The following SPSB1 variants were observed in gnomAD, a reference collection of about 807,000 sequenced individuals.
The protein encoded by SPSB1 is SPRY domain-containing SOCS box protein 1.
In SPSB1, 8 loss-of-function variants were observed where a neutral mutation model predicts 21.2. The ratio of observed to expected loss-of-function variants is 0.38; its 90% CI spans 0.22 to 0.68. The LOEUF (loss-of-function observed/expected upper bound fraction) is 0.68. SPSB1 is among the 30% of genes least tolerant of loss of function. The pLI is 0.53. For missense variants in SPSB1, 242 were observed against 377.8 expected, an observed-to-expected ratio of 0.64 and a Z score of 2.98; for synonymous variants, 169 against 161.7, an observed-to-expected ratio of 1.05 and a Z score of -0.34.
chr1:9,305,009 A>G lies in SPSB1; in HGVS notation c.-150+11938A>G, dbSNP rs1419334764. 6.6e-6 allele frequency among the ~76,000 whole-genome samples: 1 copy of G among 151,982 alleles called. No individual in the cohort carries two copies. Among genetic ancestry groups the G allele is most frequent in the Non-Finnish European group, 1.5e-5 (1 of 67,980 alleles). ...CATCCTGGCTTAGAAAGCTCTGGCC[A>G]TTCCCTGGGCTTCACCTGCCTCCTG... On this transcript the variant is annotated intron_variant, in intron 1 of 2. Coordinates refer to ENST00000328089, the MANE Select transcript of SPSB1 (RefSeq NM_025106.4). This position sits in a 1 kb window ranked among gnomAD's most constrained non-coding sequence, Gnocchi z 4.8.
At chr1:9,361,350 T>A (rs1197552739) in intron 2 of SPSB1, among the ~76,000 whole-genome samples, 1 of 151,828 alleles carries the variant, frequency 6.6e-6, no homozygotes, top group Non-Finnish European at 1.5e-5. Context: ...TTGCTGTCTC[T>A]GTCTTGGAGG....
At chr1:9,299,023 C>T (rs893794218) in intron 1 of SPSB1, among the ~76,000 whole-genome samples, 1 of 152,228 alleles carries the variant, frequency 6.6e-6, no homozygotes, top group Non-Finnish European at 1.5e-5. Flanking sequence ...TGGTGACCCC[C>T]ACCACATCCC....
intron 1 of SPSB1, among the ~76,000 whole-genome samples, chr1:9,309,381 G>A (rs111476890): frequency 0.013 from 2,017 of 151,454 alleles, 44 homozygotes; most frequent in African/African-American, 0.046. Context: ...GCAGTGGTGC[G>A]GTCACAGCTC....
In SPSB1 at chr1:9,333,529, C is replaced by CCCAA. The variant is rs1393611200; in HGVS notation, c.-149-22213_-149-22212insCAAC. Among the ~76,000 whole-genome samples the CCCAA allele has an allele frequency of 4.6e-3, 694 of 152,174 alleles. 4 individuals carry two copies. Among genetic ancestry groups the CCCAA allele is most frequent in the African/African-American group, 0.016 (663 of 41,514 alleles). On this transcript the variant is annotated intron_variant, in intron 1 of 2. Transcript: ENST00000328089. ...TATTTTTAGTAGAGACGGGGTTTCG[C>CCCAA]CATGTTGGGCAGGCTGGTCTCGAAC...
intron 2 of SPSB1, among the ~76,000 whole-genome samples, chr1:9,366,366 C>G (rs907880593): frequency 3.9e-5 from 6 of 152,254 alleles, no homozygotes; most frequent in Non-Finnish European, 5.9e-5. Context: ...CGGGGTTTCT[C>G]TGTCTCCATG....
intron 1 of SPSB1, among the ~76,000 whole-genome samples, chr1:9,331,234 CTG>C (rs1350327496): frequency 6.7e-6 from 1 of 150,114 alleles, no homozygotes; most frequent in Non-Finnish European, 1.5e-5. Flanking sequence ...TTGTCAATGA[CTG>C]TGCACTCGAT....
intron 1 of SPSB1, among the ~76,000 whole-genome samples, chr1:9,309,334 G>C (rs1015696438): frequency 3.0e-5 from 4 of 134,052 alleles, no homozygotes; most frequent in African/African-American, 1.2e-4. Context: ...GTGTGTGTGT[G>C]AGTGACAGAT....
In SPSB1 at chr1:9,367,235, A is replaced by G. The variant is rs1444279719; in HGVS notation, c.695-213A>G. Among the ~76,000 whole-genome samples the G allele has an allele frequency of 6.6e-6, 1 of 152,226 alleles. No individual in the cohort carries two copies. The highest frequency in any genetic ancestry group is 1.5e-5 in the Non-Finnish European group (1 of 68,030). On this transcript the variant is annotated intron_variant, in intron 2 of 2. Transcript: ENST00000328089. The surrounding 1 kb of genome is among the most constrained non-coding windows in gnomAD (Gnocchi z 5.9). ...CCACTGTGAGGATTAAATGAGTGTT[A>G]GCAGAGGGCTCGCCCAGGTGCCCAG...
At chr1:9,298,418 ATAAG>A (rs1172076898) in intron 1 of SPSB1, among the ~76,000 whole-genome samples, 1 of 89,910 alleles carries the variant, frequency 1.1e-5, no homozygotes, top group African/African-American at 4.6e-5. Context: ...GAATGAATGA[ATAAG>A]TGAACGAATG....
intron 1 of SPSB1, among the ~76,000 whole-genome samples, chr1:9,308,394 G>A (rs930221594): frequency 2.0e-5 from 3 of 152,126 alleles, no homozygotes; most frequent in African/African-American, 4.8e-5. Context: ...ACTGTGGGTC[G>A]GGGGACAGTT....
At chr1:9,299,490 T>TCTC (rs1557443555) in intron 1 of SPSB1, among the ~76,000 whole-genome samples, 16 of 142,054 alleles carry the variant, frequency 1.1e-4, no homozygotes, top group African/African-American at 2.5e-4. Flanking sequence ...CTCTCTCTCT[T>TCTC]TTTTTGAGAT....
At chr1:9,316,433 C>T (rs1221427901) in intron 1 of SPSB1, among the ~76,000 whole-genome samples, 2 of 152,182 alleles carry the variant, frequency 1.3e-5, no homozygotes, top group Non-Finnish European at 1.5e-5. Context: ...TGTCCCCACA[C>T]GGGCTCAACC....
intron 2 of SPSB1, among the ~76,000 whole-genome samples, chr1:9,360,757 C>T (rs1045008113): frequency 2.6e-5 from 4 of 152,218 alleles, no homozygotes; most frequent in South Asian, 2.1e-4. Flanking sequence ...ACTATGCCCT[C>T]GTCATAATGA....
intron 2 of SPSB1, among the ~76,000 whole-genome samples, chr1:9,361,544 A>AC (rs542832579): frequency 4.6e-4 from 69 of 150,094 alleles, no homozygotes; most frequent in African/African-American, 1.5e-3. Context: ...GCCAGGCAGA[A>AC]CCCCCCCGCA....
chr1:9,353,717 G>A (rs1036008143), intron 1 of SPSB1, among the ~76,000 whole-genome samples: 4 of 151,998 alleles, frequency 2.6e-5, no homozygotes, highest in African/African-American at 9.7e-5. Flanking sequence ...TCAGGAGTTC[G>A]AGACCAGCCT....
In SPSB1 at chr1:9,344,030, C is replaced by T. The variant is rs560571500; in HGVS notation, c.-149-11713C>T. Among the ~76,000 whole-genome samples the T allele has an allele frequency of 7.9e-5, 12 of 152,224 alleles. No individual in the cohort carries two copies. In the South Asian group the frequency reaches 1.5e-3, roughly 18 times the overall value. ...GTCTCGATCTCCTGACCTTGTGATC[C>T]GCCCACCTCGGCCTCCCAAAGTGCT... is the stretch of plus-strand genomic sequence containing the variant. On this transcript the variant is annotated intron_variant, in intron 1 of 2. Coordinates refer to ENST00000328089, the MANE Select transcript of SPSB1 (RefSeq NM_025106.4).
At chr1:9,312,519 G>A (rs891814473) in intron 1 of SPSB1, among the ~76,000 whole-genome samples, 1 of 152,172 alleles carries the variant, frequency 6.6e-6, no homozygotes, top group East Asian at 1.9e-4. Flanking sequence ...CGTGGACACC[G>A]TCCTAGAATT....
chr1:9,357,161 GTGGATGGATGGGTGGATGGATGAGTGGA>G (rs1640382803), intron 2 of SPSB1, among the ~76,000 whole-genome samples: 3 of 97,574 alleles, frequency 3.1e-5, no homozygotes, highest in African/African-American at 9.1e-5. Flanking sequence ...GGATGGATGG[GTGGATGGATGGGTGGATGGATGAGTGGA>G]TGGATGGATG....
intron 1 of SPSB1, among the ~76,000 whole-genome samples, chr1:9,354,993 G>A (rs955689172): frequency 1.3e-5 from 2 of 152,288 alleles, no homozygotes; most frequent in South Asian, 2.1e-4. Flanking sequence ...CCCAGAGGGC[G>A]AAACCCTGGC....
Sources: allele counts gnomAD v4.1 joint callset (sites outside exome capture counted in the v4.1 genomes callset), GRCh38; gene constraint gnomAD v4.1.1; non-coding constraint Gnocchi (gnomAD v3.1); transcripts MANE v1.5; gene names NCBI Gene and HGNC (gene_info 2026-07-23, HGNC 2026-07-21).